The following LRRC72 variants were observed in gnomAD, a reference collection of about 807,000 sequenced individuals.
LRRC72 encodes leucine-rich repeat-containing protein 72.
A neutral mutation model predicts 35.8 loss-of-function variants in LRRC72; 41 were observed. That is an observed-to-expected ratio of 1.15 (90% CI 0.89 to 1.49). LRRC72 has a LOEUF of 1.49. Ranked by LOEUF, LRRC72 falls within the 40% of genes most tolerant of loss-of-function variation. The probability of loss-of-function intolerance (pLI) is 0.00; values close to 1 mark genes in which losing one functional copy is unlikely to be tolerated. For synonymous variants in LRRC72, 118 were observed against 119.2 expected, an observed-to-expected ratio of 0.99 and a Z score of 0.07; for missense variants, 389 against 330.7, an observed-to-expected ratio of 1.18 and a Z score of -1.37.
chr7:16,567,341 T>C (rs1562751434), intron 6 of LRRC72, 50 bp from the exon 7 acceptor site: 3 of 1,231,396 alleles, frequency 2.4e-6, no homozygotes, highest in Non-Finnish European at 3.2e-6. Flanking sequence ...TTTGAATCAC[T>C]CCGCCTATTT....
intron 3 of LRRC72, among the ~76,000 whole-genome samples, chr7:16,544,952 C>G (rs1389672496): frequency 2.1e-5 from 3 of 146,252 alleles, no homozygotes; most frequent in Non-Finnish European, 3.1e-5. Context: ...TTATAAACAT[C>G]ATTATCTAAA....
In LRRC72 at chr7:16,537,620, T is replaced by A. The variant is rs917939078; in HGVS notation, c.165-7T>A. ...TGCTAATGTTCACATTTTTTTTTTC[T>A]TTCCAGGGAACTGACAGAGGTCATT... On this transcript the variant is annotated splice_region_variant and splice_polypyrimidine_tract_variant and intron_variant, in intron 2 of 8. Coordinates refer to ENST00000401542, the MANE Select transcript of LRRC72 (RefSeq NM_001195280.2). 6.6e-7 allele frequency: 1 copy of A among 1,506,214 alleles called. No individual in the cohort carries two copies. Among genetic ancestry groups the A allele is most frequent in the Admixed American group, 2.3e-5 (1 of 44,132 alleles). 93.3% of individuals were successfully genotyped at this position (1,506,214 alleles called of 1,614,324 possible).
At chr7:16,528,951 G>T (rs1292930908) in intron 1 of LRRC72, among the ~76,000 whole-genome samples, 1 of 152,066 alleles carries the variant, frequency 6.6e-6, no homozygotes, top group African/African-American at 2.4e-5. Context: ...GGAAAAATCA[G>T]AATTAGACTT....
At chr7:16,547,286 G>C (rs1782459978) in intron 3 of LRRC72, among the ~76,000 whole-genome samples, 1 of 152,188 alleles carries the variant, frequency 6.6e-6, no homozygotes, top group Non-Finnish European at 1.5e-5. Context: ...CACTGGTGGA[G>C]GAGCAGTGTG....
intron 1 of LRRC72, among the ~76,000 whole-genome samples, chr7:16,531,945 A>G (rs1782172850): frequency 6.6e-6 from 1 of 152,220 alleles, no homozygotes; most frequent in Non-Finnish European, 1.5e-5. Context: ...AGCAAGGGAA[A>G]ATGTATTTAT....
In LRRC72 at chr7:16,580,361, C is replaced by T. The variant is rs550988600; in HGVS notation, c.698+260C>T. On this transcript the variant is annotated intron_variant, in intron 8 of 8. Coordinates refer to ENST00000401542, the MANE Select transcript of LRRC72 (RefSeq NM_001195280.2). ...ATTTGATGCTTAAAAAAATAAACCT[C>T]GCCAGGCGCAGTGGCTCATGCCTGT... Among the ~76,000 whole-genome samples, 10 of 152,278 alleles carry T rather than the reference C, an allele frequency of 6.6e-5. No individual in the cohort carries two copies. In the East Asian group the frequency reaches 1.7e-3, roughly 26 times the overall value.
At position 16,558,954 on chromosome 7, in the gene LRRC72, G is replaced by A; in HGVS notation, c.382G>A (p.Ala128Thr). Residue 128 changes from alanine to threonine, a missense_variant, in exon 5 of 9, where the codon GCA (alanine) becomes ACA (threonine). Ala to Thr is a moderately conservative substitution (Grantham distance 58). Transcript: ENST00000401542. ...LHHNELTNID[A>T]TVKELKGMLN... ...CCACAATGAGCTAACCAACATTGAT[G>A]CAACAGTGAAGGAATTAAAGGGAAT... The A allele has an allele frequency of 6.5e-7, 1 of 1,536,622 alleles. No individual in the cohort carries two copies. Among genetic ancestry groups the A allele is most frequent in the Non-Finnish European group, 8.8e-7 (1 of 1,138,250 alleles).
chr7:16,544,348 C>T (rs576891408), intron 3 of LRRC72, among the ~76,000 whole-genome samples: 2 of 152,172 alleles, frequency 1.3e-5, no homozygotes, highest in African/African-American at 4.8e-5. Flanking sequence ...GCTTTGGCAA[C>T]TCTAGTTCTT....
intron 3 of LRRC72, among the ~76,000 whole-genome samples, chr7:16,539,683 G>A (rs568979312): frequency 2.6e-5 from 4 of 152,222 alleles, no homozygotes; most frequent in Non-Finnish European, 4.4e-5. Flanking sequence ...TGCAGCCTCA[G>A]GACTTGATGC....
At chr7:16,547,511 G>A (rs924605247) in intron 3 of LRRC72, among the ~76,000 whole-genome samples, 4 of 152,154 alleles carry the variant, frequency 2.6e-5, no homozygotes, top group Admixed American at 2.6e-4. Flanking sequence ...CTGCTGCTGT[G>A]GGCCCAGGCA....
rs919827772 is a variant in LRRC72 at position 16,533,019 on chromosome 7, C to T, written c.164+451C>T. ...ATATCCTGTATTTTATCTGGCAACG[C>T]TATTCCCTGGGCATAATTATACTAC... On this transcript the variant is annotated intron_variant, in intron 2 of 8. Coordinates refer to ENST00000401542, the MANE Select transcript of LRRC72 (RefSeq NM_001195280.2). 1.3e-4 allele frequency among the ~76,000 whole-genome samples: 20 copies of T among 152,254 alleles called. No homozygotes were observed. In the South Asian group the frequency reaches 1.5e-3, roughly 11 times the overall value.
At chr7:16,577,774 AGAAATG>A in intron 7 of LRRC72, among the ~76,000 whole-genome samples, 1 of 152,350 alleles carries the variant, frequency 6.6e-6, no homozygotes, top group Middle Eastern at 3.4e-3. Flanking sequence ...ATACAAAGAA[AGAAATG>A]TAAATAATGA....
At chr7:16,546,814 T>C (rs1443706003) in intron 3 of LRRC72, among the ~76,000 whole-genome samples, 1 of 152,042 alleles carries the variant, frequency 6.6e-6, no homozygotes, top group Admixed American at 6.5e-5. Context: ...TGATCAACAG[T>C]CTATTCAAAC....
chr7:16,536,317 G>C (rs901437018), intron 2 of LRRC72, among the ~76,000 whole-genome samples: 9 of 152,058 alleles, frequency 5.9e-5, no homozygotes, highest in African/African-American at 1.7e-4. Flanking sequence ...AGGAACAACA[G>C]GGAAAAATTT....
intron 1 of LRRC72, among the ~76,000 whole-genome samples, chr7:16,529,215 G>A (rs1178378086): frequency 6.6e-6 from 1 of 152,012 alleles, no homozygotes; most frequent in Admixed American, 6.6e-5. Flanking sequence ...TTTTACTTCA[G>A]CCAAAGGCTG....
intron 3 of LRRC72, among the ~76,000 whole-genome samples, chr7:16,541,944 GACACACACAC>G (rs111489811): frequency 6.7e-6 from 1 of 149,364 alleles, no homozygotes; most frequent in Non-Finnish European, 1.5e-5. Context: ...CAGACAGACA[GACACACACAC>G]ACACACACAC....
intron 3 of LRRC72, among the ~76,000 whole-genome samples, chr7:16,551,585 C>T (rs1782550141): frequency 1.3e-5 from 2 of 151,994 alleles, no homozygotes; most frequent in Admixed American, 1.3e-4. Context: ...ATCAATTATG[C>T]CTATGTAATA....
At chr7:16,576,996 A>T (rs1178103353) in intron 7 of LRRC72, among the ~76,000 whole-genome samples, 1 of 152,216 alleles carries the variant, frequency 6.6e-6, no homozygotes, top group Non-Finnish European at 1.5e-5. Context: ...AAAACAGATA[A>T]TTGAAAGGTA....
At chr7:16,527,363 A>T (rs1782088189) in intron 1 of LRRC72, among the ~76,000 whole-genome samples, 1 of 151,948 alleles carries the variant, frequency 6.6e-6, no homozygotes, top group African/African-American at 2.4e-5. Flanking sequence ...ACCTTTTACC[A>T]CTCAGCATCT....
Sources: allele counts gnomAD v4.1 joint callset (sites outside exome capture counted in the v4.1 genomes callset), GRCh38; gene constraint gnomAD v4.1.1; transcripts MANE v1.5; gene names NCBI Gene and HGNC (gene_info 2026-07-23, HGNC 2026-07-21).